PAXBP1: variants seen among roughly 807,000 people sequenced by gnomAD.
PAXBP1 encodes the protein PAX3- and PAX7-binding protein 1.
A neutral mutation model predicts 119.9 loss-of-function variants in PAXBP1; 44 were observed. The observed-to-expected ratio is 0.37, with a 90% CI of 0.29 to 0.47. The LOEUF (loss-of-function observed/expected upper bound fraction) is 0.47. PAXBP1 is among the 20% of genes least tolerant of loss of function. The pLI is 0.99. For synonymous variants in PAXBP1, 393 were observed against 406.6 expected, an observed-to-expected ratio of 0.97 and a Z score of 0.40; for missense variants, 898 against 1,134.1, an observed-to-expected ratio of 0.79 and a Z score of 2.99.
At chr21:32,760,401 G>A (rs145395229) in intron 5 of PAXBP1, among the ~76,000 whole-genome samples, 121 of 152,160 alleles carry the variant, frequency 8.0e-4, no homozygotes, top group Middle Eastern at 3.4e-3. Context: ...AAATGTATGC[G>A]AATTCTGCCT....
chr21:32,766,909 A>T (rs761878459), intron 2 of PAXBP1, among the ~76,000 whole-genome samples: 3 of 152,156 alleles, frequency 2.0e-5, no homozygotes, highest in Admixed American at 1.3e-4. Flanking sequence ...AGTTCACACA[A>T]GCGACCATCA....
intron 8 of PAXBP1, among the ~76,000 whole-genome samples, 187 bp downstream of exon 8, chr21:32,755,043 G>A (rs2044021177): frequency 6.6e-6 from 1 of 151,186 alleles, no homozygotes; most frequent in Non-Finnish European, 1.5e-5. Context: ...CCTTTGTGAA[G>A]CTCTATTTTC....
At chr21:32,747,765 G>A (rs964855178) in intron 11 of PAXBP1, among the ~76,000 whole-genome samples, 1 of 151,614 alleles carries the variant, frequency 6.6e-6, no homozygotes, top group Non-Finnish European at 1.5e-5. Context: ...CAGGCCAATA[G>A]GTCCTCTTGA....
intron 7 of PAXBP1, among the ~76,000 whole-genome samples, chr21:32,758,067 C>T (rs1270745295): frequency 6.6e-6 from 1 of 152,192 alleles, no homozygotes; most frequent in Non-Finnish European, 1.5e-5. Context: ...TGAATCTGGC[C>T]ACAGACTGAC....
intron 1 of PAXBP1, among the ~76,000 whole-genome samples, chr21:32,770,776 C>A (rs558840700): frequency 3.9e-5 from 6 of 152,326 alleles, no homozygotes; most frequent in African/African-American, 1.4e-4. Context: ...GTATCTGCTA[C>A]CCCTAATTAC....
At chr21:32,754,880 T>G (rs1169998990) in intron 8 of PAXBP1, among the ~76,000 whole-genome samples, 1 of 152,146 alleles carries the variant, frequency 6.6e-6, no homozygotes, top group Admixed American at 6.5e-5. Flanking sequence ...ATTGGTGTTT[T>G]GAATGAAAAT....
chr21:32,759,894 G>T lies in PAXBP1; in HGVS notation c.1076C>A (p.Ala359Asp), dbSNP rs1475681712. 2 of 1,613,656 alleles carry T rather than the reference G, an allele frequency of 1.2e-6. No homozygotes were observed. The highest frequency in any genetic ancestry group is 1.1e-5 in the South Asian group (1 of 91,072). Residue 359 changes from alanine to aspartate, a missense_variant, in exon 6 of 18, where the codon GCC becomes GAC. Ala to Asp is a moderately radical substitution (Grantham distance 126). Coordinates refer to ENST00000331923, the MANE Select transcript of PAXBP1 (RefSeq NM_016631.4). ...SSYGIPYSYT[A>D]YGSSDAKSQK... ...AGATTTGGCATCTGATGATCCATAG[G>T]CCGTATAACTATAAGGAATGCCATA...
intron 3 of PAXBP1, 49 bp from the exon 4 acceptor site, chr21:32,762,366 T>C: frequency 6.4e-7 from 1 of 1,552,922 alleles, no homozygotes; most frequent in South Asian, 1.2e-5. Flanking sequence ...GCAAAGTTTC[T>C]ATTTTCTTGA....
intron 7 of PAXBP1, chr21:32,756,463 C>G (rs767818665): frequency 2.1e-6 from 1 of 483,622 alleles, no homozygotes; most frequent in Non-Finnish European, 4.1e-6. Flanking sequence ...GCAAAAGTAG[C>G]AAATGTTCAC....
chr21:32,743,102 T>C, intron 15 of PAXBP1, 146 bp downstream of exon 15: 1 of 738,730 alleles, frequency 1.4e-6, no homozygotes, highest in Non-Finnish European at 2.4e-6. Context: ...ACTTTTGGAA[T>C]AAAATACTTT....
chr21:32,756,032 T>TA (rs2044037767), intron 7 of PAXBP1: 1 of 207,154 alleles, frequency 4.8e-6, no homozygotes, highest in Admixed American at 5.5e-5. Context: ...GTCAAATGTT[T>TA]AAATTCTCCC....
In PAXBP1 at chr21:32,761,154, C is replaced by A; in HGVS notation, c.880G>T (p.Gly294Trp). Residue 294 changes from glycine (G) to tryptophan (W), a missense_variant, in exon 5 of 18, where the codon GGG becomes TGG. Transcript: ENST00000331923. ...QKIAEEIGIE[G>W]SDDDALVTGE... Reference sequence around the variant, plus strand: ...GTTACTAAAGCATCATCATCACTCCCCTCAATTCCTACAGCCATGAGCAAC... The same window carrying A: ...GTTACTAAAGCATCATCATCACTCCACTCAATTCCTACAGCCATGAGCAAC... The A allele has an allele frequency of 6.2e-7, 1 of 1,613,430 alleles. No homozygotes were observed. The highest frequency in any genetic ancestry group is 1.3e-5 in the African/African-American group (1 of 74,978).
rs1157395298 is a variant in PAXBP1 at position 32,771,719 on chromosome 21, G to A, written c.-51C>T. ...TACTCGCTTCCACACCGCGGCCCCG[G>A]CAGCGCCGAGCTCGTGACGGCGCAC... On this transcript the variant is annotated 5_prime_UTR_variant, in exon 1 of 18. Transcript: ENST00000331923. The A allele has an allele frequency of 1.5e-6, 2 of 1,326,500 alleles. No homozygotes were observed. Among genetic ancestry groups the A allele is most frequent in the South Asian group, 1.8e-5 (1 of 55,816 alleles). The allele number at this position is 1,326,500 out of a possible 1,614,324, so 82.2% of individuals were successfully genotyped here.
intron 15 of PAXBP1, 50 bp from the exon 16 acceptor site, chr21:32,738,369 AAAGTAAAT>A (rs769722703): frequency 1.4e-6 from 2 of 1,455,706 alleles, no homozygotes; most frequent in Non-Finnish European, 1.9e-6. Context: ...GATTAGGTAC[AAAGTAAAT>A]AAGTTACATA....
At chr21:32,748,742 A>G in intron 10 of PAXBP1, 44 bp from the exon 11 acceptor site, 4 of 1,531,794 alleles carry the variant, frequency 2.6e-6, no homozygotes, top group Non-Finnish European at 3.5e-6. Flanking sequence ...ATTAGTATGA[A>G]GTAGGAAAAA....
chr21:32,766,602 A>G (rs1182726321), intron 2 of PAXBP1, among the ~76,000 whole-genome samples: 1 of 152,158 alleles, frequency 6.6e-6, no homozygotes, highest in Non-Finnish European at 1.5e-5. Flanking sequence ...CTTCCCAAGG[A>G]AGCAGTGTGG....
At chr21:32,759,321 G>C (rs2146508121) in intron 6 of PAXBP1, 52 bp from the exon 7 acceptor site, 1 of 1,508,852 alleles carries the variant, frequency 6.6e-7, no homozygotes, top group African/African-American at 1.4e-5. Flanking sequence ...AAGGTCTATG[G>C]TGTCAGGACT....
chr21:32,739,554 A>C (rs2043743699), intron 15 of PAXBP1, among the ~76,000 whole-genome samples: 1 of 152,136 alleles, frequency 6.6e-6, no homozygotes, highest in Admixed American at 6.5e-5. Flanking sequence ...ATCCATACCT[A>C]CTTCAATCTA....
At chr21:32,750,341 C>G (rs1451891831) in intron 10 of PAXBP1, among the ~76,000 whole-genome samples, 1 of 151,992 alleles carries the variant, frequency 6.6e-6, no homozygotes, top group East Asian at 1.9e-4. Context: ...GCTAGTCTTT[C>G]AAATTTTGTT....
Sources: gnomAD v4.1 joint callset for allele counts (sites outside exome capture counted in the v4.1 genomes callset) on GRCh38, gnomAD v4.1.1 for gene constraint, MANE v1.5 for transcripts, NCBI Gene and HGNC (gene_info 2026-07-23, HGNC 2026-07-21) for gene names.